The following ATAD2 variants were observed in gnomAD, a reference collection of about 807,000 sequenced individuals.
ATAD2 encodes ATPase family AAA domain containing 2.
A neutral mutation model predicts 168.9 loss-of-function variants in ATAD2; 62 were observed. The ratio of observed to expected loss-of-function variants is 0.37; its 90% CI spans 0.30 to 0.45. The LOEUF is 0.45. Ranked by LOEUF, ATAD2 falls within the 20% of genes least tolerant of loss-of-function variation. The pLI, the probability that ATAD2 is intolerant of heterozygous loss-of-function variation, is 1.00. For missense variants in ATAD2, 1,419 were observed against 1,667.8 expected (o/e 0.85, Z 2.60); for synonymous variants, 613 against 571.6 (o/e 1.07, Z -1.03).
At chr8:123,393,996 G>C (rs1035061158) in intron 1 of ATAD2, among the ~76,000 whole-genome samples, 17 of 152,070 alleles carry the variant, frequency 1.1e-4, no homozygotes, top group African/African-American at 4.1e-4. Flanking sequence ...CATATAAAGT[G>C]GTCAGACTTG....
chr8:123,413,375 C>T (rs148183654), intron 1 of ATAD2, among the ~76,000 whole-genome samples: 5 of 152,204 alleles, frequency 3.3e-5, no homozygotes, highest in South Asian at 2.1e-4. Flanking sequence ...TGATGGTCAA[C>T]GGCTATGTTT....
intron 1 of ATAD2, among the ~76,000 whole-genome samples, chr8:123,409,060 AG>A (rs1246891716): frequency 6.6e-6 from 1 of 152,160 alleles, no homozygotes; most frequent in Non-Finnish European, 1.5e-5. Context: ...TCCTGACCTC[AG>A]GTGATCCACT....
At chr8:123,384,091 AAAAG>A (rs1273376216) in intron 1 of ATAD2, among the ~76,000 whole-genome samples, 15 of 151,924 alleles carry the variant, frequency 9.9e-5, no homozygotes, top group East Asian at 1.9e-4. Context: ...AAAAAAAAAA[AAAAG>A]AAAGAAAGAA....
intron 1 of ATAD2, chr8:123,401,465 G>C (rs761496010): frequency 5.1e-5 from 77 of 1,523,982 alleles, no homozygotes; most frequent in Middle Eastern, 1.9e-4. Flanking sequence ...CCCACCTCCA[G>C]GTGATTGGGG....
upstream of ATAD2, among the ~76,000 whole-genome samples, chr8:123,398,407 T>A (rs755841634): frequency 6.6e-6 from 1 of 151,942 alleles, no homozygotes; most frequent in Non-Finnish European, 1.5e-5. Context: ...ATTTTTGTAT[T>A]TTTAGTAGAG....
chr8:123,395,609 G>A (rs1338326211), intron 1 of ATAD2, among the ~76,000 whole-genome samples: 2 of 152,136 alleles, frequency 1.3e-5, no homozygotes, highest in Admixed American at 6.5e-5. Context: ...GTTATGACGA[G>A]GCTTGGAAGC....
chr8:123,369,688 A>G (rs944815593), intron 7 of ATAD2, 133 bp downstream of exon 7: 5 of 739,758 alleles, frequency 6.8e-6, no homozygotes, highest in Non-Finnish European at 6.4e-6. Flanking sequence ...AGGATAGGTA[A>G]AGACAACAGT....
intron 1 of ATAD2, among the ~76,000 whole-genome samples, chr8:123,414,763 C>A (rs1413631013): frequency 2.0e-5 from 3 of 152,156 alleles, no homozygotes. Flanking sequence ...AAGGTTATTG[C>A]CAGGCTAAAC....
chr8:123,407,085 CAG>C (rs1813077884), intron 1 of ATAD2, among the ~76,000 whole-genome samples: 2 of 152,200 alleles, frequency 1.3e-5, no homozygotes, highest in African/African-American at 4.8e-5. Flanking sequence ...TGAAGACAGG[CAG>C]AGATTGCAGT....
chr8:123,337,935 G>T, intron 20 of ATAD2, 114 bp from the exon 21 acceptor site: 1 of 980,278 alleles, frequency 1.0e-6, no homozygotes, highest in Non-Finnish European at 1.5e-6. Context: ...TATATGCAAG[G>T]AATCCAAAGA....
chr8:123,369,895 CCATCTTCTT>C lies in ATAD2; in HGVS notation c.848_856del (p.Glu283_Asp285del), dbSNP rs746424263. The stretch of plus-strand genomic sequence containing the variant: ...ATATCGCTTCTGATTCTCTTCTTCT[CCATCTTCTT>C]CATCTTCATCATCTTCATCATCATC... On this transcript the variant is annotated inframe_deletion, in exon 7 of 28. Transcript: ENST00000287394. 7.6e-5 allele frequency: 122 copies of C among 1,609,252 alleles called. No individual in the cohort carries two copies. The African/African-American group carries it at 1.1e-3, about 15-fold the overall frequency.
Position 123,344,974 on chromosome 8 carries a change from T to C in ATAD2, c.2628A>G (p.Thr876=). Reference sequence around the variant, plus strand: ...GAATATTCTGTAATAATGTGGTAAATGTGGCTTTAAGTGTCGGTCCAACTA... The same window carrying C: ...GAATATTCTGTAATAATGTGGTAAACGTGGCTTTAAGTGTCGGTCCAACTA... ...WEIVGPTLKA[T]FTTLLQNIPS... Residue 876 remains threonine, a synonymous_variant, in exon 19 of 28, where the codon ACA becomes ACG. Transcript: ENST00000287394. 1 of 1,614,058 alleles carries C rather than the reference T, an allele frequency of 6.2e-7. No individual in the cohort carries two copies. Among genetic ancestry groups the C allele is most frequent in the Non-Finnish European group, 8.5e-7 (1 of 1,179,914 alleles).
upstream of ATAD2, chr8:123,400,839 T>G: frequency 7.5e-7 from 1 of 1,326,344 alleles, no homozygotes; most frequent in Non-Finnish European, 1.1e-6. The surrounding 1 kb of genome is among the most constrained non-coding windows in gnomAD (Gnocchi z 4.5). Flanking sequence ...TGGGAGGTAT[T>G]GGTTTCATTC....
chr8:123,368,199 C>T (rs529859722), intron 8 of ATAD2, among the ~76,000 whole-genome samples: 173 of 152,264 alleles, frequency 1.1e-3, no homozygotes, highest in Middle Eastern at 3.4e-3. Flanking sequence ...GAGTGGATCA[C>T]TTGAGGTCAA....
In ATAD2 at chr8:123,349,354, A is replaced by G; in HGVS notation, c.1737T>C (p.Ser579=). The G allele has an allele frequency of 6.2e-7, 1 of 1,614,160 alleles. No individual in the cohort carries two copies. The highest frequency in any genetic ancestry group is 2.2e-5 in the East Asian group (1 of 44,874). Residue 579 remains serine, a synonymous_variant, in exon 14 of 28, where the codon TCT becomes TCC. Coordinates refer to ENST00000287394, the MANE Select transcript of ATAD2 (RefSeq NM_014109.4). ...VVIGATNRLD[S]IDPALRRPGR... Reference sequence around the variant, plus strand: ...CAGGCCTTCGTAAAGCAGGATCTATAGAATCTAGCCTGTTCGTAGCACCAA... The same window carrying G: ...CAGGCCTTCGTAAAGCAGGATCTATGGAATCTAGCCTGTTCGTAGCACCAA...
chr8:123,368,848 AG>A (rs1158077705), intron 8 of ATAD2, among the ~76,000 whole-genome samples: 2 of 152,194 alleles, frequency 1.3e-5, no homozygotes, highest in Non-Finnish European at 2.9e-5. Flanking sequence ...TTACTACGGT[AG>A]TTACTAACAC....
intron 8 of ATAD2, among the ~76,000 whole-genome samples, chr8:123,367,310 G>A (rs1290757602): frequency 6.6e-6 from 1 of 152,170 alleles, no homozygotes; most frequent in Non-Finnish European, 1.5e-5. Flanking sequence ...CCAGCTACTC[G>A]GGGGGCTGAG....
chr8:123,379,591 C>G (rs28620161), intron 2 of ATAD2, among the ~76,000 whole-genome samples: 6 of 137,832 alleles, frequency 4.4e-5, no homozygotes, highest in Non-Finnish European at 7.7e-5. Context: ...GAGATGGAGT[C>G]TTGCTTTGTT....
chr8:123,371,855 AAAAT>A lies in ATAD2; in HGVS notation c.371-24_371-21del. ...CTTTGTCTTCACAAATGCATACATA[AAAAT>A]AAATAGAAACATTTGAAATAATAGT... On this transcript the variant is annotated intron_variant, in intron 3 of 27. Transcript: ENST00000287394. 1.3e-6 allele frequency: 2 copies of A among 1,532,916 alleles called. No individual in the cohort carries two copies. The highest frequency in any genetic ancestry group is 1.8e-6 in the Non-Finnish European group (2 of 1,142,756). The allele number at this position is 1,532,916 out of a possible 1,614,324, so 95.0% of individuals were successfully genotyped here. A position where few individuals can be genotyped will look rare whatever the true frequency, so the allele number is the denominator to read the frequency against.
Sources: allele counts gnomAD v4.1 joint callset (sites outside exome capture counted in the v4.1 genomes callset), GRCh38; gene constraint gnomAD v4.1.1; non-coding constraint Gnocchi (gnomAD v3.1); transcripts MANE v1.5; gene names NCBI Gene and HGNC (gene_info 2026-07-23, HGNC 2026-07-21).